The following HCN1 variants were observed in gnomAD, a reference collection of about 807,000 sequenced individuals.
HCN1 encodes the protein potassium/sodium hyperpolarization-activated cyclic nucleotide-gated channel 1.
Under a neutral mutation model 78.9 loss-of-function variants are expected in HCN1, and 13 were observed. The ratio of observed to expected loss-of-function variants is 0.16; its 90% confidence interval spans 0.11 to 0.26. HCN1 has a LOEUF of 0.26. Among genes scored for constraint, HCN1 ranks in the 10% least tolerant of loss-of-function variants. The probability of loss-of-function intolerance (pLI) is 1.00; values close to 1 mark genes in which losing one functional copy is unlikely to be tolerated. For synonymous variants in HCN1, 552 were observed against 455.5 expected (o/e 1.21, Z -2.70); for missense variants, 810 against 1,154.3 (o/e 0.70, Z 4.32).
intron 2 of HCN1, among the ~76,000 whole-genome samples, chr5:45,620,340 A>G (rs892863462): frequency 6.6e-6 from 1 of 152,066 alleles, no homozygotes; most frequent in Non-Finnish European, 1.5e-5. Flanking sequence ...TGTACAATAT[A>G]CCCAATCTAA....
At chr5:45,636,852 G>A (rs931477460) in intron 2 of HCN1, among the ~76,000 whole-genome samples, 19 of 152,078 alleles carry the variant, frequency 1.2e-4, no homozygotes, top group African/African-American at 4.6e-4. Flanking sequence ...TAAAAAAAGA[G>A]TAATGCATAA....
chr5:45,648,655 T>C (rs16902199), intron 1 of HCN1, among the ~76,000 whole-genome samples: 41,459 of 151,982 alleles, frequency 0.27, 5,743 homozygotes, highest in East Asian at 0.32. Flanking sequence ...TAATTGCCCA[T>C]GAGTCTTTCT....
chr5:45,263,046 G>A (rs1303736100), intron 7 of HCN1, among the ~76,000 whole-genome samples: 1 of 152,162 alleles, frequency 6.6e-6, no homozygotes, highest in Non-Finnish European at 1.5e-5. Context: ...ATATGGCAAA[G>A]AGCCACTTTA....
chr5:45,635,590 T>C (rs1370259681), intron 2 of HCN1, among the ~76,000 whole-genome samples: 1 of 152,094 alleles, frequency 6.6e-6, no homozygotes, highest in African/African-American at 2.4e-5. Context: ...AATTTAGCTG[T>C]CTTAAAAAAT....
At chr5:45,281,117 T>C (rs1313995980) in intron 6 of HCN1, among the ~76,000 whole-genome samples, 1 of 152,124 alleles carries the variant, frequency 6.6e-6, no homozygotes. Flanking sequence ...GGTTGGAGGT[T>C]TTTGTTAGTA....
chr5:45,494,625 T>C lies in HCN1; in HGVS notation c.850-32618A>G, dbSNP rs868352285. Among the ~76,000 whole-genome samples, 203 of 152,154 alleles carry C rather than the reference T, an allele frequency of 1.3e-3. 1 individual carries two copies. The highest frequency in any genetic ancestry group is 6.8e-3 in the Middle Eastern group (2 of 294). On this transcript the variant is annotated intron_variant, in intron 2 of 7. Coordinates refer to ENST00000303230, the MANE Select transcript of HCN1 (RefSeq NM_021072.4). ...TTTAATTAGATCCCATTTGTCAATT[T>C]TGGTTTTGTTGCCATTGCTTTTGGT...
chr5:45,352,290 C>T (rs561276750), intron 5 of HCN1, among the ~76,000 whole-genome samples: 15 of 151,866 alleles, frequency 9.9e-5, no homozygotes, highest in African/African-American at 3.1e-4. Context: ...AAATCGAACA[C>T]CGCATGTTCT....
At chr5:45,491,108 T>A (rs1354494326) in intron 2 of HCN1, among the ~76,000 whole-genome samples, 2 of 152,106 alleles carry the variant, frequency 1.3e-5, no homozygotes, top group East Asian at 3.9e-4. Flanking sequence ...ATCTAAACCA[T>A]CTTGCAGCAA....
intron 2 of HCN1, among the ~76,000 whole-genome samples, chr5:45,501,166 A>C (rs1742178361): frequency 6.6e-6 from 1 of 152,222 alleles, no homozygotes; most frequent in African/African-American, 2.4e-5. Context: ...TCCAAAGGGC[A>C]ATATCTACTT....
chr5:45,294,518 T>C (rs1248947352), intron 6 of HCN1, among the ~76,000 whole-genome samples: 1 of 151,940 alleles, frequency 6.6e-6, no homozygotes, highest in African/African-American at 2.4e-5. Context: ...TAGAACACTT[T>C]GGCGTGGAAA....
intron 3 of HCN1, among the ~76,000 whole-genome samples, chr5:45,449,429 C>G (rs1394876955): frequency 6.6e-6 from 1 of 152,100 alleles, no homozygotes; most frequent in Non-Finnish European, 1.5e-5. Flanking sequence ...AGATTCTCAT[C>G]ATTTCTTCTA....
intron 4 of HCN1, among the ~76,000 whole-genome samples, chr5:45,382,603 A>T (rs1747832434): frequency 6.6e-6 from 1 of 152,278 alleles, no homozygotes; most frequent in Middle Eastern, 3.4e-3. Flanking sequence ...CCTGTATTCT[A>T]CATGAAGACA....
At chr5:45,465,443 A>C (rs2111636043) in intron 2 of HCN1, among the ~76,000 whole-genome samples, 1 of 152,160 alleles carries the variant, frequency 6.6e-6, no homozygotes, top group South Asian at 2.1e-4. Flanking sequence ...ACAGGAGTCA[A>C]CTGAAAAAAA....
chr5:45,348,296 C>G (rs1210318045), intron 5 of HCN1, among the ~76,000 whole-genome samples: 1 of 152,040 alleles, frequency 6.6e-6, no homozygotes, highest in Non-Finnish European at 1.5e-5. Flanking sequence ...AAATAAAATA[C>G]TTTACAGACA....
intron 2 of HCN1, among the ~76,000 whole-genome samples, chr5:45,584,753 T>G (rs569806845): frequency 6.6e-6 from 1 of 152,270 alleles, no homozygotes; most frequent in Non-Finnish European, 1.5e-5. Context: ...AGCATTTGCT[T>G]GTCTGTAAAG....
chr5:45,371,876 A>G (rs1378311638), intron 4 of HCN1, among the ~76,000 whole-genome samples: 1 of 111,280 alleles, frequency 9.0e-6, no homozygotes, highest in African/African-American at 3.9e-5. Context: ...GTAATATTAT[A>G]TATGAAATAA....
intron 2 of HCN1, chr5:45,642,866 C>T (rs1351252433): frequency 6.6e-6 from 1 of 152,036 alleles, no homozygotes; most frequent in Admixed American, 6.6e-5. Context: ...TCTGTTTCTT[C>T]CCTGTTGAAC....
chr5:45,649,803 C>T (rs1419470072), intron 1 of HCN1, among the ~76,000 whole-genome samples: 1 of 151,998 alleles, frequency 6.6e-6, no homozygotes. Flanking sequence ...TGAAAACATA[C>T]ACTTTAATGG....
chr5:45,560,193 G>A (rs575522785), intron 2 of HCN1, among the ~76,000 whole-genome samples: 1 of 152,126 alleles, frequency 6.6e-6, no homozygotes, highest in East Asian at 1.9e-4. Flanking sequence ...TTGCTTTATT[G>A]CAGTGGTCTG....
Sources: gnomAD v4.1 joint callset for allele counts (sites outside exome capture counted in the v4.1 genomes callset) on GRCh38, gnomAD v4.1.1 for gene constraint, MANE v1.5 for transcripts, NCBI Gene and HGNC (gene_info 2026-07-23, HGNC 2026-07-21) for gene names.